LTF: variants seen among roughly 807,000 people sequenced by gnomAD.
LTF encodes lactotransferrin.
In LTF, 91 loss-of-function variants were observed where a neutral mutation model predicts 87.2. That is an observed-to-expected ratio of 1.04 (90% CI 0.88 to 1.24). The LOEUF is 1.24. Among genes scored for constraint, LTF ranks in the 50% most tolerant of loss-of-function variants. The pLI, the probability that LTF is intolerant of heterozygous loss-of-function variation, is 0.00. For synonymous variants in LTF, 378 were observed against 356.1 expected (o/e 1.06, Z -0.69); for missense variants, 901 against 904.3 (o/e 1.00, Z 0.05).
At chr3:46,485,215 GCCAGCTGTGAAGGCCAC>G in exon 1 of LTF, 1 of 152,342 alleles carries the variant, frequency 6.6e-6, no homozygotes, top group African/African-American at 2.4e-5. Flanking sequence ...GCTCACTCAG[GCCAGCTGTGAAGGCCAC>G]GTCACCGTCC....
At chr3:46,436,549 G>A (rs574490196) in intron 16 of LTF, among the ~76,000 whole-genome samples, 16 of 152,276 alleles carry the variant, frequency 1.1e-4, no homozygotes, top group African/African-American at 2.6e-4. Context: ...AGCTTCTCCC[G>A]GAATGTGAAC....
intron 10 of LTF, 100 bp from the exon 11 acceptor site, chr3:46,446,593 A>G: frequency 2.0e-6 from 2 of 1,019,446 alleles, no homozygotes; most frequent in Admixed American, 1.9e-5. Context: ...ATCCAAAGAG[A>G]CCGTCCCAGC....
Position 46,464,813 on chromosome 3 carries a change from A to G in LTF, c.43+12T>C. ...CATCAGGCGGCTCGCGCCCCCAGGC[A>G]CCTGCACTCACCGAGGGCCCCGAGG... On this transcript the variant is annotated intron_variant, in intron 1 of 16. Coordinates refer to ENST00000231751, the MANE Select transcript of LTF (RefSeq NM_002343.6). The G allele has an allele frequency of 1.2e-6, 2 of 1,614,068 alleles. No homozygotes were observed. The highest frequency in any genetic ancestry group is 1.7e-6 in the Non-Finnish European group (2 of 1,179,970).
chr3:46,453,150 A>C (rs571545791), intron 6 of LTF, among the ~76,000 whole-genome samples: 1 of 152,372 alleles, frequency 6.6e-6, no homozygotes, highest in South Asian at 2.1e-4. Context: ...TGTGAAACTC[A>C]ATTTAAAAAG....
chr3:46,443,877 C>T (rs905148564), intron 12 of LTF, among the ~76,000 whole-genome samples: 2 of 152,162 alleles, frequency 1.3e-5, no homozygotes, highest in Admixed American at 6.5e-5. Flanking sequence ...AGCTCATGAC[C>T]GTGATGGCTG....
Position 46,448,858 on chromosome 3 carries a change from C to T in LTF, c.1212+5G>A. ...ACCGCCCGCCCCTGTGATGGAGCTC[C>T]CTACCAGCACCAGGGCGATGCAGTC... On this transcript the variant is annotated splice_donor_5th_base_variant and intron_variant, in intron 9 of 16. Coordinates refer to ENST00000231751, the MANE Select transcript of LTF (RefSeq NM_002343.6). 1 of 1,612,186 alleles carries T rather than the reference C, an allele frequency of 6.2e-7. No individual in the cohort carries two copies. The highest frequency in any genetic ancestry group is 1.1e-5 in the South Asian group (1 of 90,866).
intron 11 of LTF, among the ~76,000 whole-genome samples, chr3:46,445,863 G>A (rs2269437): frequency 0.35 from 53,493 of 152,166 alleles, 9,911 homozygotes; most frequent in East Asian, 0.67. Context: ...TGTGGGTACA[G>A]GGGCACATGT....
intron 1 of LTF, among the ~76,000 whole-genome samples, chr3:46,481,819 A>G (rs780201082): frequency 1.3e-5 from 2 of 152,226 alleles, no homozygotes; most frequent in Non-Finnish European, 2.9e-5. Flanking sequence ...TTGGAAAACC[A>G]TTTGGCAGCA....
intron 6 of LTF, chr3:46,454,054 G>A (rs1702864568): frequency 1.9e-6 from 1 of 517,686 alleles, no homozygotes; most frequent in Non-Finnish European, 3.5e-6. Context: ...GTGTCTTGGA[G>A]GACTGGAGGA....
In LTF at chr3:46,447,298, C is replaced by T. The variant is rs1404061317; in HGVS notation, c.1303+10G>A. ...GAGGGAATATACCAGAGGATGCTAA[C>T]TCCACTTACTGTAGTTCTCTGCCAG... On this transcript the variant is annotated intron_variant, in intron 10 of 16. Transcript: ENST00000231751. The T allele has an allele frequency of 1.2e-6, 2 of 1,611,166 alleles. No individual in the cohort carries two copies. The highest frequency in any genetic ancestry group is 1.7e-6 in the Non-Finnish European group (2 of 1,177,370).
chr3:46,472,534 G>A lies in LTF; in HGVS notation c.-319-2068C>T, dbSNP rs530781356. On this transcript the variant is annotated intron_variant, in intron 1 of 19. Coordinates refer to the LTF transcript ENST00000443496. ...TGTGTGTGTGTGTGTGTGTGAGAGA[G>A]AGAGAGAGAGAGAGAGAGAGAAGTT... 5.1e-4 allele frequency among the ~76,000 whole-genome samples: 77 copies of A among 149,906 alleles called. 1 individual carries two copies. In the East Asian group the frequency reaches 0.014, roughly 28 times the overall value.
intron 9 of LTF, among the ~76,000 whole-genome samples, chr3:46,447,783 C>G (rs911520018): frequency 2.0e-5 from 3 of 152,200 alleles, no homozygotes; most frequent in Admixed American, 6.5e-5. Flanking sequence ...AAGCGCTACA[C>G]AGAAGTTGTC....
intron 1 of LTF, among the ~76,000 whole-genome samples, chr3:46,481,380 G>T (rs765679060): frequency 6.6e-6 from 1 of 152,220 alleles, no homozygotes. Context: ...ACAGGGCTAG[G>T]TGTGGTGGTT....
At chr3:46,474,145 C>T (rs550180463) in intron 1 of LTF, among the ~76,000 whole-genome samples, 178 of 152,100 alleles carry the variant, frequency 1.2e-3, no homozygotes, top group African/African-American at 3.9e-3. Flanking sequence ...CTAAATACTC[C>T]AATTAAAAGA....
intron 5 of LTF, among the ~76,000 whole-genome samples, chr3:46,454,869 G>A (rs1466089154): frequency 6.6e-6 from 1 of 152,234 alleles, no homozygotes; most frequent in Non-Finnish European, 1.5e-5. Flanking sequence ...GCCCAGGTGG[G>A]CAGAAGGACA....
upstream of LTF, among the ~76,000 whole-genome samples, chr3:46,466,280 G>A (rs544626215): frequency 1.3e-5 from 2 of 152,066 alleles, no homozygotes; most frequent in East Asian, 1.9e-4. Context: ...GAAGAAAAAA[G>A]GTACTAACAG....
rs1294252753 is a variant in LTF, at chr3:46,448,955, G to C, written c.1120C>G (p.Leu374Val). ...CCACTCCACTGGTTACACTTGCGCA[G>C]CTCCTGCTCGCCCACCGCACACCAC... The part of the protein sequence containing the change: ...VVWCAVGEQE[L>V]RKCNQWSGLS... Residue 374 changes from leucine to valine, a missense_variant, in exon 9 of 17, where the codon CTG (leucine) becomes GTG (valine). Coordinates refer to ENST00000231751, the MANE Select transcript of LTF (RefSeq NM_002343.6). The C allele has an allele frequency of 1.2e-6, 2 of 1,613,354 alleles. No individual in the cohort carries two copies. Among genetic ancestry groups the C allele is most frequent in the Non-Finnish European group, 1.7e-6 (2 of 1,179,892 alleles).
chr3:46,438,249 G>T, intron 15 of LTF, 120 bp from the exon 16 acceptor site: 1 of 828,044 alleles, frequency 1.2e-6, no homozygotes, highest in Non-Finnish European at 2.0e-6. Context: ...GGCAGAAGGA[G>T]CTGAGTTCTG....
chr3:46,476,103 A>C (rs1185064262), intron 1 of LTF, among the ~76,000 whole-genome samples: 2 of 152,146 alleles, frequency 1.3e-5, no homozygotes, highest in African/African-American at 4.8e-5. Context: ...AAGCTTATTA[A>C]ATTCACTTAT....
Sources: gnomAD v4.1 joint callset for allele counts (sites outside exome capture counted in the v4.1 genomes callset) on GRCh38, gnomAD v4.1.1 for gene constraint, MANE v1.5 for transcripts, NCBI Gene and HGNC (gene_info 2026-07-23, HGNC 2026-07-21) for gene names.